The following HUNK variants were observed in gnomAD, a reference collection of about 807,000 sequenced individuals.
The protein encoded by HUNK is hormonally up-regulated Neu-associated kinase.
HUNK carries 21 observed loss-of-function variants against 61.0 expected under a neutral mutation model. The observed-to-expected ratio is 0.34, with a 90% CI of 0.24 to 0.50. The LOEUF (loss-of-function observed/expected upper bound fraction) is 0.50. Ranked by LOEUF, HUNK falls within the 20% of genes least tolerant of loss-of-function variation. The probability of loss-of-function intolerance (pLI) is 0.98; values close to 1 mark genes in which losing one functional copy is unlikely to be tolerated. For missense variants in HUNK, 772 were observed against 945.7 expected (o/e 0.82, Z 2.41); for synonymous variants, 371 against 386.1 (o/e 0.96, Z 0.46).
At chr21:31,919,477 T>C (rs1235919512) in intron 1 of HUNK, among the ~76,000 whole-genome samples, 1 of 152,136 alleles carries the variant, frequency 6.6e-6, no homozygotes, top group Admixed American at 6.5e-5. Context: ...CCAACACCAA[T>C]TGTTAGGATG....
At chr21:31,953,980 T>C (rs1412450147) in intron 4 of HUNK, among the ~76,000 whole-genome samples, 10 of 152,250 alleles carry the variant, frequency 6.6e-5, no homozygotes, top group Non-Finnish European at 1.5e-4. Flanking sequence ...CCCAGCCAGA[T>C]GATGGAGAGA....
At chr21:31,916,043 C>T (rs369264078) in intron 1 of HUNK, among the ~76,000 whole-genome samples, 20 of 81,746 alleles carry the variant, frequency 2.4e-4, no homozygotes, top group Admixed American at 8.1e-4. Flanking sequence ...TAAGTGCTTT[C>T]TTTTTTTTTT....
chr21:31,970,872 T>C (rs1414227020), intron 6 of HUNK, among the ~76,000 whole-genome samples: 1 of 152,110 alleles, frequency 6.6e-6, no homozygotes, highest in Non-Finnish European at 1.5e-5. Context: ...TAATGGTTTT[T>C]GCATTTGGAC....
At chr21:31,997,026 G>A (rs776963031) in intron 10 of HUNK, among the ~76,000 whole-genome samples, 2 of 152,166 alleles carry the variant, frequency 1.3e-5, no homozygotes, top group Admixed American at 6.5e-5. Flanking sequence ...CTTTCATTTC[G>A]GTGCCTGTGT....
chr21:31,892,180 T>TATAGAGAG (rs1457688299), intron 1 of HUNK, among the ~76,000 whole-genome samples: 3 of 109,714 alleles, frequency 2.7e-5, no homozygotes, highest in African/African-American at 1.0e-4. Context: ...TATATATATA[T>TATAGAGAG]AGAGAGAGAG....
chr21:31,917,638 T>C (rs930485463), intron 1 of HUNK, among the ~76,000 whole-genome samples: 1 of 151,216 alleles, frequency 6.6e-6, no homozygotes, highest in Non-Finnish European at 1.5e-5. Flanking sequence ...TTGTTTTTCT[T>C]GTGCTCATGA....
At chr21:31,963,191 T>C (rs1438547923) in intron 5 of HUNK, among the ~76,000 whole-genome samples, 1 of 152,238 alleles carries the variant, frequency 6.6e-6, no homozygotes, top group Non-Finnish European at 1.5e-5. Flanking sequence ...TAGGTGTTTT[T>C]CATGTGGTGT....
chr21:31,916,477 G>A (rs2052583786), intron 1 of HUNK, among the ~76,000 whole-genome samples: 3 of 151,956 alleles, frequency 2.0e-5, no homozygotes, highest in Non-Finnish European at 2.9e-5. Context: ...TTCTACATTG[G>A]ATTTTTTTCT....
In HUNK at chr21:31,999,161, G is replaced by A. The variant is rs140340813; in HGVS notation, c.2122G>A (p.Asp708Asn). 1.2e-5 allele frequency: 20 copies of A among 1,612,010 alleles called. No individual in the cohort carries two copies. Among genetic ancestry groups the A allele is most frequent in the Admixed American group, 5.0e-5 (3 of 59,734 alleles). The stretch of plus-strand genomic sequence containing the variant: ...TGTGAACCTTGCCTTTGACATGGCC[G>A]ATGGGGTCAAGACCCAGTGCTAACT... ...APVNLAFDMADGVKTQC is the reference protein window; with the variant it reads ...APVNLAFDMANGVKTQC The change falls in exon 11 of 11, where the codon GAT (aspartate) becomes AAT (asparagine). Residue 708 changes from aspartate to asparagine, a missense_variant. By Grantham distance (23) the Asp-to-Asn change is conservative. Coordinates refer to ENST00000270112, the MANE Select transcript of HUNK (RefSeq NM_014586.2).
intron 2 of HUNK, among the ~76,000 whole-genome samples, chr21:31,937,322 C>T (rs1213071333): frequency 1.3e-5 from 2 of 152,106 alleles, no homozygotes; most frequent in African/African-American, 2.4e-5. Flanking sequence ...AGAAATCACT[C>T]GAGGAACCCA....
At chr21:31,968,004 A>AT (rs1029543477) in intron 5 of HUNK, among the ~76,000 whole-genome samples, 4 of 151,900 alleles carry the variant, frequency 2.6e-5, no homozygotes, top group Non-Finnish European at 4.4e-5. Context: ...TGTGGTGTGT[A>AT]TTTTTTAAAG....
At chr21:31,962,790 T>G (rs1352838212) in intron 5 of HUNK, among the ~76,000 whole-genome samples, 1 of 152,260 alleles carries the variant, frequency 6.6e-6, no homozygotes, top group Non-Finnish European at 1.5e-5. Flanking sequence ...TTGAAATCCT[T>G]TGAGCCAGGT....
intron 5 of HUNK, among the ~76,000 whole-genome samples, chr21:31,962,386 G>A (rs938508483): frequency 1.3e-5 from 2 of 152,126 alleles, no homozygotes; most frequent in East Asian, 1.9e-4. Flanking sequence ...ATAACATCAC[G>A]CAGTCTTAGC....
chr21:31,926,194 A>G (rs1193227876), intron 2 of HUNK, among the ~76,000 whole-genome samples: 1 of 152,252 alleles, frequency 6.6e-6, no homozygotes, highest in Non-Finnish European at 1.5e-5. Flanking sequence ...CTGGGATTAC[A>G]GGCGTGAGCC....
chr21:31,924,879 C>A lies in HUNK; in HGVS notation c.554+119C>A, dbSNP rs2052649650. 5.2e-6 allele frequency: 4 copies of A among 764,852 alleles called. No homozygotes were observed. Among genetic ancestry groups the A allele is most frequent in the Non-Finnish European group, 8.0e-6 (4 of 502,980 alleles). 47.4% of individuals were successfully genotyped at this position (764,852 alleles called of 1,614,324 possible). On this transcript the variant is annotated intron_variant, in intron 2 of 10. Coordinates refer to ENST00000270112, the MANE Select transcript of HUNK (RefSeq NM_014586.2). The surrounding 1 kb of genome is among the most constrained non-coding windows in gnomAD (Gnocchi z 5.1). ...AATTGCAGCCTGTTTTACAATTTGTCTATATTTTAATTTTATTTATTTGTT... is the reference window on the plus strand; with the variant it reads ...AATTGCAGCCTGTTTTACAATTTGTATATATTTTAATTTTATTTATTTGTT...
intron 1 of HUNK, among the ~76,000 whole-genome samples, chr21:31,899,667 A>T (rs1023889449): frequency 6.6e-6 from 1 of 152,158 alleles, no homozygotes; most frequent in African/African-American, 2.4e-5. Flanking sequence ...GCCACTGACC[A>T]ATCTGCCTCT....
chr21:31,968,757 A>T (rs866279326), intron 6 of HUNK, among the ~76,000 whole-genome samples: 2,281 of 133,064 alleles, frequency 0.017, 66 homozygotes, highest in African/African-American at 0.072. Context: ...TGTGTGTGAG[A>T]GAGAGAGAGT....
chr21:31,973,108 C>T (rs755160335), intron 6 of HUNK, among the ~76,000 whole-genome samples: 7 of 151,818 alleles, frequency 4.6e-5, no homozygotes, highest in East Asian at 1.9e-4. Flanking sequence ...CCTTCTGCTC[C>T]GATTGCCCTC....
At chr21:31,889,254 C>T (rs529917585) in intron 1 of HUNK, among the ~76,000 whole-genome samples, 2 of 152,292 alleles carry the variant, frequency 1.3e-5, no homozygotes, top group South Asian at 2.1e-4. Context: ...GCTTAGTCCC[C>T]GGTTGGGCTG....
Sources: allele counts gnomAD v4.1 joint callset (sites outside exome capture counted in the v4.1 genomes callset), GRCh38; gene constraint gnomAD v4.1.1; non-coding constraint Gnocchi (gnomAD v3.1); transcripts MANE v1.5; gene names NCBI Gene and HGNC (gene_info 2026-07-23, HGNC 2026-07-21).